The following MGAT4C variants were observed in gnomAD, a reference collection of about 807,000 sequenced individuals.
MGAT4C encodes the protein MGAT4 family member C.
Under a neutral mutation model 40.1 loss-of-function variants are expected in MGAT4C, and 19 were observed. The ratio of observed to expected loss-of-function variants is 0.47; its 90% CI spans 0.33 to 0.70. The LOEUF is 0.70. MGAT4C is among the 30% of genes least tolerant of loss of function. MGAT4C has a pLI of 0.02. For missense variants in MGAT4C, 491 were observed against 563.2 expected (o/e 0.87, Z 1.30); for synonymous variants, 181 against 187.1 (o/e 0.97, Z 0.27).
In MGAT4C at chr12:86,171,472, G is replaced by A. The variant is rs147832712; in HGVS notation, c.-57+84767C>T. On this transcript the variant is annotated intron_variant, in intron 1 of 4. Transcript: ENST00000611864. ...TCACTGAAAATTTGCATAGCACTTT[G>A]GTGTACACAACCCCTTCACAAATAG... 1.7e-3 allele frequency among the ~76,000 whole-genome samples: 263 copies of A among 152,230 alleles called. 2 individuals carry two copies. The highest frequency in any genetic ancestry group is 0.015 in the Admixed American group (222 of 15,276).
At chr12:86,777,586 C>G (rs1951767801) in intron 1 of MGAT4C, among the ~76,000 whole-genome samples, 4 of 152,142 alleles carry the variant, frequency 2.6e-5, no homozygotes. Flanking sequence ...ACCAAGTAGT[C>G]TTTGGCACAG....
chr12:86,138,496 TATATATCATGTATATATTTCCATAG>T (rs1566037307), intron 1 of MGAT4C, among the ~76,000 whole-genome samples: 22 of 129,834 alleles, frequency 1.7e-4, no homozygotes, highest in East Asian at 9.9e-4. Context: ...TATTTCCATA[TATATATCATGTATATATTTCCATAG>T]ATATATCATG....
In MGAT4C at chr12:86,408,479, C is replaced by CTCTCTA. The variant is rs1267344319; in HGVS notation, c.-120+26677_-120+26678insTAGAGA. Among the ~76,000 whole-genome samples the CTCTCTA allele has an allele frequency of 2.6e-3, 165 of 63,310 alleles. 1 individual carries two copies. The highest frequency in any genetic ancestry group is 3.0e-3 in the Non-Finnish European group (110 of 37,216). The allele number at this position is 63,310 out of a possible 152,430, so 41.5% of individuals were successfully genotyped here. On this transcript the variant is annotated intron_variant, in intron 3 of 7. Transcript: ENST00000548651. Reference sequence around the variant, plus strand: ...TCTCTCTCTCTCTCTCTCTCTCTCTCTATATATATATATATATATATATAT... The same window carrying CTCTCTA: ...TCTCTCTCTCTCTCTCTCTCTCTCTCTCTCTATATATATATATATATATATATATAT...
chr12:86,554,255 G>GT lies in MGAT4C; in HGVS notation c.-228-118991dup, dbSNP rs1489500231. ...ACTTGGTCTTCACCACTGATCTTTA[G>GT]TTCACCACTTGACCCACTGCTGCAT... On this transcript the variant is annotated intron_variant, in intron 2 of 7. Transcript: ENST00000548651. 7.2e-5 allele frequency among the ~76,000 whole-genome samples: 11 copies of GT among 152,064 alleles called. No individual in the cohort carries two copies. The East Asian group carries it at 2.1e-3, about 29-fold the overall frequency.
In MGAT4C at chr12:86,132,154, T is replaced by C. The variant is rs1388207297; in HGVS notation, c.-56-82431A>G. Among the ~76,000 whole-genome samples, 4 of 152,296 alleles carry C rather than the reference T, an allele frequency of 2.6e-5. No homozygotes were observed. In the East Asian group the frequency reaches 7.7e-4, roughly 29 times the overall value. On this transcript the variant is annotated intron_variant, in intron 1 of 4. Transcript: ENST00000611864. ...AATTAAAAACAAAAATCTCTTTGTC[T>C]TGAAATTAACATGAATGTATTCAAT...
At chr12:86,604,963 G>A (rs1446024365) in intron 2 of MGAT4C, among the ~76,000 whole-genome samples, 5 of 151,964 alleles carry the variant, frequency 3.3e-5, no homozygotes, top group South Asian at 2.1e-4. Context: ...TTCTCCTTTG[G>A]GAATTCCTTT....
intron 4 of MGAT4C, among the ~76,000 whole-genome samples, chr12:86,314,198 G>C (rs11103923): frequency 0.26 from 40,043 of 152,116 alleles, 6,490 homozygotes; most frequent in South Asian, 0.39. Context: ...ATGTAATGAA[G>C]TTTGTAGGAT....
At chr12:86,723,735 A>G (rs116771560) in intron 2 of MGAT4C, among the ~76,000 whole-genome samples, 1,931 of 152,296 alleles carry the variant, frequency 0.013, 42 homozygotes, top group African/African-American at 0.042. Context: ...CCTGAAGGAC[A>G]GTCTCCTTTT....
intron 4 of MGAT4C, among the ~76,000 whole-genome samples, chr12:86,301,609 T>G (rs1365748000): frequency 1.3e-5 from 2 of 152,198 alleles, no homozygotes; most frequent in Non-Finnish European, 2.9e-5. Context: ...TTGTTTTGTT[T>G]TGAAAGACAA....
chr12:86,723,423 C>T (rs1950768978), intron 2 of MGAT4C, among the ~76,000 whole-genome samples: 1 of 152,114 alleles, frequency 6.6e-6, no homozygotes, highest in Non-Finnish European at 1.5e-5. Context: ...ATCAAGATGG[C>T]CCTTTGAAGG....
At chr12:86,068,816 C>A (rs995421074) in intron 1 of MGAT4C, among the ~76,000 whole-genome samples, 1 of 152,050 alleles carries the variant, frequency 6.6e-6, no homozygotes, top group African/African-American at 2.4e-5. Flanking sequence ...TTACCTGTAG[C>A]AGTACAGTCT....
intron 2 of MGAT4C, among the ~76,000 whole-genome samples, chr12:85,991,198 G>T (rs1885884657): frequency 6.6e-6 from 1 of 152,148 alleles, no homozygotes; most frequent in South Asian, 2.1e-4. Context: ...GCTGCTGGTT[G>T]ATCCACCCTC....
At chr12:86,047,016 A>G (rs975929743) in intron 2 of MGAT4C, among the ~76,000 whole-genome samples, 5 of 152,220 alleles carry the variant, frequency 3.3e-5, no homozygotes, top group Admixed American at 6.5e-5. Flanking sequence ...GGTAGAGGAA[A>G]TAAATATTTT....
At chr12:86,267,432 C>T (rs1399666145) in intron 4 of MGAT4C, among the ~76,000 whole-genome samples, 1 of 152,026 alleles carries the variant, frequency 6.6e-6, no homozygotes, top group African/African-American at 2.4e-5. Context: ...AAAGCAATTA[C>T]ACAAAGGAAG....
At chr12:86,437,162 A>G (rs1329450174) in intron 2 of MGAT4C, among the ~76,000 whole-genome samples, 1 of 151,836 alleles carries the variant, frequency 6.6e-6, no homozygotes, top group Non-Finnish European at 1.5e-5. Flanking sequence ...CATTATTAAA[A>G]ACAGTATTGC....
At chr12:86,209,960 T>G (rs1950395874) in intron 1 of MGAT4C, among the ~76,000 whole-genome samples, 1 of 152,202 alleles carries the variant, frequency 6.6e-6, no homozygotes, top group Non-Finnish European at 1.5e-5. Flanking sequence ...TCAATTGCCT[T>G]TCATTTTTGC....
intron 4 of MGAT4C, among the ~76,000 whole-genome samples, chr12:86,312,377 CTCTT>C (rs1954101626): frequency 2.6e-5 from 4 of 152,208 alleles, no homozygotes; most frequent in Admixed American, 2.6e-4. Context: ...ATAGCTATCA[CTCTT>C]TGTTGTTAAC....
chr12:86,547,101 TC>T (rs1959197849), intron 2 of MGAT4C, among the ~76,000 whole-genome samples: 1 of 152,078 alleles, frequency 6.6e-6, no homozygotes, highest in African/African-American at 2.4e-5. Context: ...GCTTTTATTT[TC>T]CCATGTTTTA....
At chr12:86,621,448 A>T (rs1962634144) in intron 2 of MGAT4C, among the ~76,000 whole-genome samples, 1 of 152,090 alleles carries the variant, frequency 6.6e-6, no homozygotes, top group East Asian at 1.9e-4. Flanking sequence ...CCTGAATTAT[A>T]ATGTTTGCTT....
Sources: gnomAD v4.1 joint callset for allele counts (sites outside exome capture counted in the v4.1 genomes callset) on GRCh38, gnomAD v4.1.1 for gene constraint, MANE v1.5 for transcripts, NCBI Gene and HGNC (gene_info 2026-07-23, HGNC 2026-07-21) for gene names.